Variants in MNAT1 observed in about 807,000 individuals in gnomAD.
The protein encoded by MNAT1 is MNAT1 component of CDK activating kinase.
In MNAT1, 43 loss-of-function variants were observed where a neutral mutation model predicts 42.0. The observed-to-expected ratio is 1.02, with a 90% confidence interval of 0.80 to 1.32. MNAT1 has a LOEUF of 1.32. Among genes scored for constraint, MNAT1 ranks in the 40% most tolerant of loss-of-function variants. MNAT1 has a pLI of 0.00. For missense variants in MNAT1, 306 were observed against 350.4 expected, an observed-to-expected ratio of 0.87 and a Z score of 1.01; for synonymous variants, 118 against 120.0, an observed-to-expected ratio of 0.98 and a Z score of 0.11.
At chr14:60,896,521 T>A (rs2034959856) in intron 7 of MNAT1, among the ~76,000 whole-genome samples, 1 of 152,226 alleles carries the variant, frequency 6.6e-6, no homozygotes. Flanking sequence ...ATGGAGTCTC[T>A]ATTGCCCAAA....
chr14:60,788,890 T>G lies in MNAT1; in HGVS notation c.90-7327T>G, dbSNP rs1312009587. Among the ~76,000 whole-genome samples the G allele has an allele frequency of 2.0e-5, 3 of 152,330 alleles. No individual in the cohort carries two copies. In the East Asian group the frequency reaches 5.8e-4, roughly 29 times the overall value. On this transcript the variant is annotated intron_variant, in intron 1 of 7. Transcript: ENST00000261245. Reference sequence around the variant, plus strand: ...TTATCCAGACCACTGAAACTTTCTCTGTATAAATGATAAGACTGTTTTGCT... The same window carrying G: ...TTATCCAGACCACTGAAACTTTCTCGGTATAAATGATAAGACTGTTTTGCT...
chr14:60,787,009 A>G (rs567963337), intron 1 of MNAT1, among the ~76,000 whole-genome samples: 18 of 152,122 alleles, frequency 1.2e-4, no homozygotes, highest in Admixed American at 3.3e-4. Context: ...CTTTCCCCGA[A>G]GTAGAATTAT....
chr14:60,934,837 A>G (rs752884513), intron 7 of MNAT1, among the ~76,000 whole-genome samples: 2 of 152,060 alleles, frequency 1.3e-5, no homozygotes, highest in East Asian at 3.9e-4. Flanking sequence ...GTGGAAGGCA[A>G]TTTCTCCCAC....
intron 7 of MNAT1, among the ~76,000 whole-genome samples, chr14:60,925,139 A>C (rs2035740659): frequency 6.6e-6 from 1 of 152,216 alleles, no homozygotes. Context: ...TTTTCTTGTC[A>C]TTATTCCCTA....
At chr14:60,881,132 A>G (rs1324067128) in intron 7 of MNAT1, among the ~76,000 whole-genome samples, 4 of 152,144 alleles carry the variant, frequency 2.6e-5, no homozygotes, top group Non-Finnish European at 4.4e-5. Flanking sequence ...AATTTTTCAT[A>G]TACAGATTTT....
intron 1 of MNAT1, among the ~76,000 whole-genome samples, chr14:60,765,909 G>T (rs979911350): frequency 6.6e-6 from 1 of 152,044 alleles, no homozygotes; most frequent in African/African-American, 2.4e-5. Flanking sequence ...TATAATCTTA[G>T]AAATATATAA....
chr14:60,954,427 A>G (rs2036442260), intron 7 of MNAT1, among the ~76,000 whole-genome samples: 1 of 152,136 alleles, frequency 6.6e-6, no homozygotes, highest in African/African-American at 2.4e-5. Context: ...TTCAGTGTAT[A>G]GATCTTCACC....
At chr14:60,876,480 T>C (rs185552224) in intron 6 of MNAT1, among the ~76,000 whole-genome samples, 1 of 152,176 alleles carries the variant, frequency 6.6e-6, no homozygotes, top group East Asian at 1.9e-4. Flanking sequence ...TCTGTGACAT[T>C]AAGTACATCC....
chr14:60,803,077 G>A (rs757418982), intron 3 of MNAT1, among the ~76,000 whole-genome samples: 6 of 151,510 alleles, frequency 4.0e-5, no homozygotes, highest in Admixed American at 1.3e-4. Context: ...GATTACAGGC[G>A]CCCACCACCA....
intron 7 of MNAT1, among the ~76,000 whole-genome samples, chr14:60,935,183 A>G (rs2035967443): frequency 6.6e-6 from 1 of 152,104 alleles, no homozygotes; most frequent in South Asian, 2.1e-4. Flanking sequence ...ATGTAGTCAA[A>G]AAACTCTTGA....
intron 7 of MNAT1, among the ~76,000 whole-genome samples, chr14:60,882,249 A>C (rs1297259773): frequency 6.6e-6 from 1 of 151,550 alleles, no homozygotes. Context: ...CCTCCTCACT[A>C]CCCTTCACAA....
At position 60,792,609 on chromosome 14, in the gene MNAT1, A is replaced by G. The variant is rs567609581; in HGVS notation, c.90-3608A>G. Among the ~76,000 whole-genome samples the G allele has an allele frequency of 1.4e-4, 21 of 152,326 alleles. No homozygotes were observed. The East Asian group carries it at 4.0e-3, about 29-fold the overall frequency. ...ACTTCACAGAAAGTCTTAAGTATAG[A>G]GTTTTTGACAAACTATGAATATTTC... On this transcript the variant is annotated intron_variant, in intron 1 of 7. Coordinates refer to ENST00000261245, the MANE Select transcript of MNAT1 (RefSeq NM_002431.4).
At chr14:60,876,576 G>A (rs2034440653) in intron 6 of MNAT1, among the ~76,000 whole-genome samples, 1 of 151,850 alleles carries the variant, frequency 6.6e-6, no homozygotes, top group African/African-American at 2.4e-5. Flanking sequence ...AACACTAACT[G>A]CTCTTTCCCA....
rs189928886 is a variant in MNAT1, at chr14:60,749,619, C to T, written c.89+14668C>T. ...TATGAAGATTAGATGAGGCACAGTT[C>T]GAGTAAATTTAAGAATTCAAGTAAA... On this transcript the variant is annotated intron_variant, in intron 1 of 7. Transcript: ENST00000261245. Among the ~76,000 whole-genome samples the T allele has an allele frequency of 1.7e-3, 262 of 152,036 alleles. 1 individual carries two copies. Among genetic ancestry groups the T allele is most frequent in the African/African-American group, 5.5e-3 (229 of 41,454 alleles).
At chr14:60,943,101 CTG>C (rs1256017419) in intron 7 of MNAT1, among the ~76,000 whole-genome samples, 16 of 129,510 alleles carry the variant, frequency 1.2e-4, no homozygotes, top group Non-Finnish European at 2.3e-4. Context: ...GTCACCCAGG[CTG>C]TAGTGCAGTG....
chr14:60,861,704 C>G (rs1432958371), intron 6 of MNAT1, among the ~76,000 whole-genome samples: 1 of 152,174 alleles, frequency 6.6e-6, no homozygotes, highest in African/African-American at 2.4e-5. Context: ...GAGCAATTAG[C>G]TGATAAGCTA....
At chr14:60,934,213 G>T (rs2035944903) in intron 7 of MNAT1, among the ~76,000 whole-genome samples, 1 of 152,212 alleles carries the variant, frequency 6.6e-6, no homozygotes, top group South Asian at 2.1e-4. Flanking sequence ...AATATACAGT[G>T]ATAAACCTTG....
At chr14:60,959,610 C>CT (rs753724663) in intron 7 of MNAT1, among the ~76,000 whole-genome samples, 14 of 152,278 alleles carry the variant, frequency 9.2e-5, no homozygotes, top group Admixed American at 5.2e-4. Flanking sequence ...TGAACTGTTT[C>CT]TTTCTTTTGT....
chr14:60,772,075 G>A (rs2140307732), intron 1 of MNAT1, among the ~76,000 whole-genome samples: 1 of 152,236 alleles, frequency 6.6e-6, no homozygotes, highest in Admixed American at 6.5e-5. Context: ...ATTTTTAAGG[G>A]CTCTAAGATT....
Sources: allele counts gnomAD v4.1 joint callset (sites outside exome capture counted in the v4.1 genomes callset), GRCh38; gene constraint gnomAD v4.1.1; transcripts MANE v1.5; gene names NCBI Gene and HGNC (gene_info 2026-07-23, HGNC 2026-07-21).